LYRM2: variants seen among roughly 807,000 people sequenced by gnomAD.
The protein encoded by LYRM2 is LYR motif-containing protein 2.
In LYRM2, 8 loss-of-function variants were observed where a neutral mutation model predicts 11.6. The observed-to-expected ratio is 0.69, with a 90% CI of 0.40 to 1.24. The LOEUF (loss-of-function observed/expected upper bound fraction) is 1.24. Among genes scored for constraint, LYRM2 ranks in the 50% most tolerant of loss-of-function variants. The pLI is 0.01. For synonymous variants in LYRM2, 30 were observed against 36.4 expected (o/e 0.83, Z 0.63); for missense variants, 117 against 102.9 (o/e 1.14, Z -0.59).
chr6:89,634,998 CCT>C lies in LYRM2; in HGVS notation c.*2273_*2274del, dbSNP rs879497478. On this transcript the variant is annotated 3_prime_UTR_variant, in exon 3 of 3. Transcript: ENST00000523377. ...ATCCTGACCTAAAGTGATCCACCCA[CCT>C]CAGCCTCCCAAAGTGTGTGGATTAC... is the stretch of plus-strand genomic sequence containing the variant. 2.0e-5 allele frequency: 3 copies of C among 152,084 alleles called. No homozygotes were observed. The highest frequency in any genetic ancestry group is 6.5e-5 in the Admixed American group (1 of 15,280). The allele number at this position is 152,084 out of a possible 1,614,324, so 9.4% of individuals were successfully genotyped here. A position where few individuals can be genotyped will look rare whatever the true frequency, so the allele number is the denominator to read the frequency against.
chr6:89,637,081 C>T lies in LYRM2; in HGVS notation c.*192G>A, dbSNP rs1808026558. On this transcript the variant is annotated 3_prime_UTR_variant, in exon 3 of 3. Transcript: ENST00000523377. ...TTCTTTTAAGAACTGCTGAGACATC[C>T]ATAAACATTTTCAAAATGCAGGGTA... 4.1e-6 allele frequency: 2 copies of T among 483,058 alleles called. No individual in the cohort carries two copies. Among genetic ancestry groups the T allele is most frequent in the Non-Finnish European group, 7.3e-6 (2 of 272,470 alleles). The allele number at this position is 483,058 out of a possible 1,614,324, so 29.9% of individuals were successfully genotyped here. A position where few individuals can be genotyped will look rare whatever the true frequency, so the allele number is the denominator to read the frequency against.
rs1197067618 is a variant in LYRM2 at position 89,634,287 on chromosome 6, G to T, written c.*2986C>A. 6.6e-6 allele frequency: 1 copy of T among 151,754 alleles called. No individual in the cohort carries two copies. The highest frequency in any genetic ancestry group is 1.9e-4 in the East Asian group (1 of 5,162). The allele number at this position is 151,754 out of a possible 1,614,324, so 9.4% of individuals were successfully genotyped here. On this transcript the variant is annotated 3_prime_UTR_variant, in exon 3 of 3. Transcript: ENST00000523377. ...AGAGTAAAACATACATTTCTTATTT[G>T]TAATTTTATTTAAGGAGAAATACTC...
At chr6:89,637,653 AT>A in intron 2 of LYRM2, 88 bp downstream of exon 2, 1 of 1,325,618 alleles carries the variant, frequency 7.5e-7, no homozygotes, top group East Asian at 2.3e-5. Flanking sequence ...GTGGCACTAT[AT>A]TCCAAGATGT....
chr6:89,637,858 G>A lies in LYRM2; in HGVS notation c.70C>T (p.Leu24Phe). The A allele has an allele frequency of 1.9e-6, 3 of 1,613,992 alleles. No individual in the cohort carries two copies. Among genetic ancestry groups the A allele is most frequent in the Non-Finnish European group, 2.5e-6 (3 of 1,179,926 alleles). The change falls in exon 2 of 3, where the codon CTC (leucine) becomes TTC (phenylalanine). Residue 24 changes from leucine (L) to phenylalanine (F), a missense_variant. Transcript: ENST00000523377. ...KQFVRRQQVL[L>F]LYRRILQTIR... is the part of the protein sequence containing the mutation. Reference sequence around the variant, plus strand: ...GTTTGCAAAATCCTTCTGTAGAGGAGAAGAACTTGTTGCCTTCTTACGAAC... The same window carrying A: ...GTTTGCAAAATCCTTCTGTAGAGGAAAAGAACTTGTTGCCTTCTTACGAAC...
At chr6:89,638,628 C>G in intron 1 of LYRM2, 44 bp downstream of exon 1, 1 of 1,613,434 alleles carries the variant, frequency 6.2e-7, no homozygotes, top group Non-Finnish European at 8.5e-7. Context: ...GAATCCAGCT[C>G]AGACCCAGGT....
Position 89,633,920 on chromosome 6 carries a change from G to GTATC in LYRM2, c.*3349_*3352dup, listed in dbSNP as rs1193483296. Reference sequence around the variant, plus strand: ...CCTTCACCCAGCTACACTTTACCTTGTATCTATAAAAGTGTAATTTAGAGT... The same window carrying GTATC: ...CCTTCACCCAGCTACACTTTACCTTGTATCTATCTATAAAAGTGTAATTTAGAGT... On this transcript the variant is annotated 3_prime_UTR_variant, in exon 3 of 3. Coordinates refer to ENST00000523377, the MANE Select transcript of LYRM2 (RefSeq NM_020466.5). 2 of 152,138 alleles carry GTATC rather than the reference G, an allele frequency of 1.3e-5. No individual in the cohort carries two copies. The highest frequency in any genetic ancestry group is 2.9e-5 in the Non-Finnish European group (2 of 68,032). 9.4% of individuals were successfully genotyped at this position (152,138 alleles called of 1,614,324 possible).
In LYRM2 at chr6:89,633,192, G is replaced by A. The variant is rs936635540; in HGVS notation, c.*4081C>T. ...CTTACTACATGGATCTTGTCTCTTG[G>A]AGGTCTGTCGTAGAAGAAGAAACAA... On this transcript the variant is annotated 3_prime_UTR_variant, in exon 3 of 3. Coordinates refer to ENST00000523377, the MANE Select transcript of LYRM2 (RefSeq NM_020466.5). 1 of 152,132 alleles carries A rather than the reference G, an allele frequency of 6.6e-6. No individual in the cohort carries two copies. The highest frequency in any genetic ancestry group is 1.5e-5 in the Non-Finnish European group (1 of 68,030). The allele number at this position is 152,132 out of a possible 1,614,324, so 9.4% of individuals were successfully genotyped here. A position where few individuals can be genotyped will look rare whatever the true frequency, so the allele number is the denominator to read the frequency against.
intron 1 of LYRM2, 80 bp from the exon 2 acceptor site, chr6:89,637,962 TA>T: frequency 7.4e-7 from 1 of 1,359,636 alleles, no homozygotes. Flanking sequence ...AACCAAGCTG[TA>T]ACCAGAGTAC....
rs1248617226 is a variant in LYRM2, at chr6:89,632,412, T to TGAA, written c.*4858_*4860dup. ...ATGTCACTGTTACCTGAATATGGAA[T>TGAA]GAATTTGATGTTTTTTATTTTGTTG... is the stretch of plus-strand genomic sequence containing the variant. On this transcript the variant is annotated 3_prime_UTR_variant, in exon 3 of 3. Coordinates refer to ENST00000523377, the MANE Select transcript of LYRM2 (RefSeq NM_020466.5). 6.6e-6 allele frequency: 1 copy of TGAA among 152,096 alleles called. No homozygotes were observed. The highest frequency in any genetic ancestry group is 1.5e-5 in the Non-Finnish European group (1 of 68,036). 9.4% of individuals were successfully genotyped at this position (152,096 alleles called of 1,614,324 possible).
intron 1 of LYRM2, 83 bp downstream of exon 1, chr6:89,638,589 C>A (rs1367840275): frequency 3.7e-6 from 6 of 1,602,528 alleles, no homozygotes; most frequent in Non-Finnish European, 5.1e-6. Flanking sequence ...ACCCCGGAAC[C>A]CGCCCCGTTG....
At position 89,638,671 on chromosome 6, in the gene LYRM2, C is replaced by T; in HGVS notation, c.45+1G>A. ...TTTGGAAGGCAGAGAACCGCCGGTACCTGCTTTAACGTTAGCGTCGCTGGG... is the reference window on the plus strand; with the variant it reads ...TTTGGAAGGCAGAGAACCGCCGGTATCTGCTTTAACGTTAGCGTCGCTGGG... On this transcript the variant is annotated splice_donor_variant, in intron 1 of 2. Coordinates refer to ENST00000523377, the MANE Select transcript of LYRM2 (RefSeq NM_020466.5). LOFTEE classifies it high-confidence loss of function. The T allele has an allele frequency of 6.2e-7, 1 of 1,614,118 alleles. No individual in the cohort carries two copies. The highest frequency in any genetic ancestry group is 8.5e-7 in the Non-Finnish European group (1 of 1,179,982).
At chr6:89,638,164 C>T (rs565445135) in intron 1 of LYRM2, 1 of 659,306 alleles carries the variant, frequency 1.5e-6, no homozygotes, top group South Asian at 3.9e-5. Context: ...GAGAGTGAGG[C>T]CCTGTCTCAA....
At chr6:89,637,390 T>C in intron 2 of LYRM2, 37 bp from the exon 3 acceptor site, 1 of 1,361,534 alleles carries the variant, frequency 7.3e-7, no homozygotes, top group Non-Finnish European at 1.0e-6. Context: ...TAGTTTTACC[T>C]GGTTAAACAA....
intron 1 of LYRM2, chr6:89,638,352 C>G (rs1808074277): frequency 1.6e-6 from 2 of 1,253,912 alleles, no homozygotes; most frequent in Non-Finnish European, 1.0e-6. Context: ...TTGTTCAAAT[C>G]TTTGGTAATC....
At chr6:89,638,412 C>T (rs1310669767) in intron 1 of LYRM2, 2 of 1,414,744 alleles carry the variant, frequency 1.4e-6, no homozygotes, top group African/African-American at 1.4e-5. Context: ...ACCGTGGGCA[C>T]TGGGCAGCTG....
At chr6:89,637,607 T>C in intron 2 of LYRM2, 135 bp downstream of exon 2, 1 of 795,452 alleles carries the variant, frequency 1.3e-6, no homozygotes, top group Non-Finnish European at 2.0e-6. Flanking sequence ...TTAAAATCGG[T>C]AACATTACAA....
rs1222804472 is a variant in LYRM2, at chr6:89,636,327, A to C, written c.*946T>G. On this transcript the variant is annotated 3_prime_UTR_variant, in exon 3 of 3. Coordinates refer to ENST00000523377, the MANE Select transcript of LYRM2 (RefSeq NM_020466.5). ...TCTACAGCCAGCCTAGGCAACCACT[A>C]ATCTTTCTGCCTATTCTGGACATTT... is the stretch of plus-strand genomic sequence containing the variant. 1.3e-5 allele frequency: 2 copies of C among 152,176 alleles called. No individual in the cohort carries two copies. The highest frequency in any genetic ancestry group is 2.9e-5 in the Non-Finnish European group (2 of 68,040). The allele number at this position is 152,176 out of a possible 1,614,324, so 9.4% of individuals were successfully genotyped here.
chr6:89,635,456 G>T lies in LYRM2; in HGVS notation c.*1817C>A, dbSNP rs1177816947. On this transcript the variant is annotated 3_prime_UTR_variant, in exon 3 of 3. Transcript: ENST00000523377. ...AGTATTCAGAATTATTTTGTCTTGT[G>T]GGCTCTGAGGCTCTGGGAGGTAGAG... The T allele has an allele frequency of 6.6e-6, 1 of 152,192 alleles. No individual in the cohort carries two copies. The highest frequency in any genetic ancestry group is 1.5e-5 in the Non-Finnish European group (1 of 68,020). The allele number at this position is 152,192 out of a possible 1,614,324, so 9.4% of individuals were successfully genotyped here.
Position 89,637,176 on chromosome 6 carries a change from TA to T in LYRM2, c.*96del. The T allele has an allele frequency of 1.5e-6, 1 of 683,662 alleles. No homozygotes were observed. Among genetic ancestry groups the T allele is most frequent in the Non-Finnish European group, 2.6e-6 (1 of 385,852 alleles). The allele number at this position is 683,662 out of a possible 1,614,324, so 42.3% of individuals were successfully genotyped here. On this transcript the variant is annotated 3_prime_UTR_variant, in exon 3 of 3. Transcript: ENST00000523377. The stretch of plus-strand genomic sequence containing the variant: ...GCTCTCTATCACCAAATACTGTACA[TA>T]TAAATAGTAAGACTGGGCTTTGTGT...
Sources: gnomAD v4.1 joint callset for allele counts on GRCh38, gnomAD v4.1.1 for gene constraint, MANE v1.5 for transcripts, NCBI Gene and HGNC (gene_info 2026-07-23, HGNC 2026-07-21) for gene names.